NARS2: variants seen among roughly 807,000 people sequenced by gnomAD.
The protein encoded by NARS2 is asparaginyl-tRNA synthetase.
Under a neutral mutation model 62.9 loss-of-function variants are expected in NARS2, and 60 were observed. That is an observed-to-expected ratio of 0.95 (90% CI 0.77 to 1.18). The LOEUF is 1.18. Ranked by LOEUF, NARS2 falls within the 50% of genes most tolerant of loss-of-function variation. The pLI, the probability that NARS2 is intolerant of heterozygous loss-of-function variation, is 0.00. For missense variants in NARS2, 619 were observed against 576.4 expected, an observed-to-expected ratio of 1.07 and a Z score of -0.76; for synonymous variants, 196 against 200.0, an observed-to-expected ratio of 0.98 and a Z score of 0.17.
rs774390281 is a variant in NARS2 at position 78,566,126 on chromosome 11, T to A, written c.513+6A>T. On this transcript the variant is annotated splice_donor_region_variant and intron_variant, in intron 4 of 13. Transcript: ENST00000281038. ...AAGGGTCAAGAGGGAACTTTTAGGATCTTACCTTAAAGAAAGAATGAATAG... is the reference window on the plus strand; with the variant it reads ...AAGGGTCAAGAGGGAACTTTTAGGAACTTACCTTAAAGAAAGAATGAATAG... The A allele has an allele frequency of 1.9e-6, 3 of 1,599,728 alleles. No individual in the cohort carries two copies. Among genetic ancestry groups the A allele is most frequent in the South Asian group, 1.1e-5 (1 of 88,294 alleles).
At position 78,574,528 on chromosome 11, in the gene NARS2, C is replaced by T. The variant is rs763029061; in HGVS notation, c.-40G>A. On this transcript the variant is annotated 5_prime_UTR_variant, in exon 1 of 14. Transcript: ENST00000281038. ...GGCCCTCCGCGGGAGCAGCCCAGAC[C>T]CCACGGTTCGAACCCCGCCTGCAGC... 1.3e-6 allele frequency: 2 copies of T among 1,556,380 alleles called. No individual in the cohort carries two copies. The highest frequency in any genetic ancestry group is 1.2e-5 in the South Asian group (1 of 86,816).
chr11:78,522,910 T>C (rs1322070550), intron 6 of NARS2, among the ~76,000 whole-genome samples: 3 of 152,312 alleles, frequency 2.0e-5, no homozygotes, highest in Admixed American at 6.5e-5. Context: ...CTGAATTCAA[T>C]AGGCTATGCC....
chr11:78,531,536 C>T (rs148516651), intron 5 of NARS2, among the ~76,000 whole-genome samples: 2,690 of 152,160 alleles, frequency 0.018, 80 homozygotes, highest in African/African-American at 0.061. Flanking sequence ...AAATGAGGTA[C>T]ATAAACAAAC....
chr11:78,478,241 A>G (rs1305225254), intron 9 of NARS2, among the ~76,000 whole-genome samples, 197 bp downstream of exon 9: 1 of 152,018 alleles, frequency 6.6e-6, no homozygotes, highest in African/African-American at 2.4e-5. Context: ...AACCAAACAC[A>G]AGAGCTATAA....
At chr11:78,546,796 G>A (rs986737338) in intron 5 of NARS2, among the ~76,000 whole-genome samples, 4 of 152,204 alleles carry the variant, frequency 2.6e-5, no homozygotes, top group Non-Finnish European at 4.4e-5. Flanking sequence ...AAAAATCAAA[G>A]ACGGAACTAT....
intron 5 of NARS2, among the ~76,000 whole-genome samples, chr11:78,557,274 C>T (rs907600466): frequency 6.6e-6 from 1 of 152,074 alleles, no homozygotes; most frequent in Non-Finnish European, 1.5e-5. Flanking sequence ...AAATGTGCAC[C>T]ATTACGAGAA....
intron 6 of NARS2, among the ~76,000 whole-genome samples, chr11:78,499,559 G>T (rs1363535172): frequency 2.6e-5 from 4 of 152,240 alleles, no homozygotes; most frequent in African/African-American, 9.6e-5. Context: ...AGGCACTAGA[G>T]AGTAACAGCA....
At chr11:78,468,310 G>GAAAAAAAAAAAAAAAAAAAA (rs764254167) in intron 10 of NARS2, among the ~76,000 whole-genome samples, 44 of 67,424 alleles carry the variant, frequency 6.5e-4, no homozygotes, top group African/African-American at 2.4e-3. Context: ...CACTAAATCT[G>GAAAAAAAAAAAAAAAAAAAA]AAAAAAAAAA....
chr11:78,551,872 CAAA>C (rs372292006), intron 5 of NARS2, among the ~76,000 whole-genome samples: 1 of 151,234 alleles, frequency 6.6e-6, no homozygotes, highest in South Asian at 2.1e-4. Flanking sequence ...AAAAAACAAA[CAAA>C]AAAAACCCAC....
intron 11 of NARS2, among the ~76,000 whole-genome samples, chr11:78,464,874 G>A (rs1042589346): frequency 3.3e-5 from 5 of 152,226 alleles, no homozygotes; most frequent in East Asian, 1.9e-4. Context: ...GGTTCTCCAC[G>A]TCCCCACCAG....
chr11:78,572,113 C>T (rs957036999), intron 1 of NARS2, among the ~76,000 whole-genome samples: 5 of 152,014 alleles, frequency 3.3e-5, no homozygotes, highest in Non-Finnish European at 4.4e-5. Flanking sequence ...ACCCACGAGG[C>T]GGAGGTTGCA....
chr11:78,568,550 T>C (rs1856815329), intron 3 of NARS2, 82 bp downstream of exon 3: 6 of 1,445,560 alleles, frequency 4.2e-6, no homozygotes, highest in Admixed American at 2.2e-5. Flanking sequence ...CTAAGTTTCA[T>C]CTTCCTAATA....
At chr11:78,441,719 A>AAAAAGAAAAG (rs1393994146) in intron 12 of NARS2, among the ~76,000 whole-genome samples, 1 of 152,042 alleles carries the variant, frequency 6.6e-6, no homozygotes, top group Admixed American at 6.6e-5. Flanking sequence ...TCAAAAAAAA[A>AAAAAGAAAAG]AAAAGAAAAG....
chr11:78,480,493 G>A (rs1357823764), intron 7 of NARS2, among the ~76,000 whole-genome samples: 1 of 151,980 alleles, frequency 6.6e-6, no homozygotes, highest in Non-Finnish European at 1.5e-5. Flanking sequence ...GACCTCAGGT[G>A]ATCTGCCCAC....
chr11:78,502,310 T>G (rs192177766), intron 6 of NARS2, among the ~76,000 whole-genome samples: 413 of 152,344 alleles, frequency 2.7e-3, no homozygotes, highest in African/African-American at 9.6e-3. Flanking sequence ...GGTTGGTTTC[T>G]GGTGAAGCCT....
chr11:78,509,162 G>C (rs1372246120), intron 6 of NARS2, among the ~76,000 whole-genome samples: 1 of 151,402 alleles, frequency 6.6e-6, no homozygotes, highest in African/African-American at 2.4e-5. Context: ...AGAAACTTTG[G>C]AAGCTAGAAG....
Position 78,465,986 on chromosome 11 carries a change from C to A in NARS2, c.1054G>T (p.Glu352Ter), listed in dbSNP as rs1350135461. The change falls in exon 11 of 14, where the codon GAA becomes TAA. Residue 352 changes from glutamate to a stop codon, truncating the protein, a stop_gained. Transcript: ENST00000281038. LOFTEE classifies it high-confidence loss of function. ...EWGADLRTEH[E>*]KYLVKHCGNI... is the part of the protein sequence containing the mutation. ...CCACAGTGCTTCACCAGGTACTTTTCATGTTCAGTCCGTAGGTCAGCACCC... is the reference window on the plus strand; with the variant it reads ...CCACAGTGCTTCACCAGGTACTTTTAATGTTCAGTCCGTAGGTCAGCACCC... The A allele has an allele frequency of 2.5e-6, 4 of 1,612,548 alleles. No homozygotes were observed. The highest frequency in any genetic ancestry group is 2.5e-6 in the Non-Finnish European group (3 of 1,179,222).
chr11:78,515,654 A>G (rs949466167), intron 6 of NARS2, among the ~76,000 whole-genome samples: 2 of 151,762 alleles, frequency 1.3e-5, no homozygotes, highest in African/African-American at 4.8e-5. Flanking sequence ...AGTAGCTGGG[A>G]CTACAGGGGT....
chr11:78,469,214 C>T (rs903245886), intron 10 of NARS2, 33 bp downstream of exon 10: 4 of 1,447,086 alleles, frequency 2.8e-6, no homozygotes, highest in African/African-American at 1.4e-5. Context: ...AGCATTTTCA[C>T]ACACACATAT....
Sources: gnomAD v4.1 joint callset for allele counts (sites outside exome capture counted in the v4.1 genomes callset) on GRCh38, gnomAD v4.1.1 for gene constraint, MANE v1.5 for transcripts, NCBI Gene and HGNC (gene_info 2026-07-23, HGNC 2026-07-21) for gene names.